The following TNNI3 variants were observed in gnomAD, a reference collection of about 807,000 sequenced individuals.
The protein encoded by TNNI3 is troponin I, cardiac muscle.
TNNI3 carries 23 observed loss-of-function variants against 31.5 expected under a neutral mutation model. The observed-to-expected ratio is 0.73, with a 90% CI of 0.52 to 1.03. The LOEUF is 1.03. Ranked by LOEUF, TNNI3 falls within the 50% of genes least tolerant of loss-of-function variation. The probability of loss-of-function intolerance (pLI) is 0.00; values close to 1 mark genes in which losing one functional copy is unlikely to be tolerated. For missense variants in TNNI3, 236 were observed against 282.9 expected, an observed-to-expected ratio of 0.83 and a Z score of 1.19; for synonymous variants, 120 against 111.7, an observed-to-expected ratio of 1.07 and a Z score of -0.47.
intron 7 of TNNI3, among the ~76,000 whole-genome samples, 198 bp downstream of exon 7, chr19:55,153,832 T>G (rs542507618): frequency 8.2e-4 from 1 of 1,216 alleles, no homozygotes; most frequent in Non-Finnish European, 5.8e-3. Flanking sequence ...CTCTTTGCTC[T>G]TACATGGACT....
At position 55,152,163 on chromosome 19, in the gene TNNI3, CAT is replaced by C. The variant is rs2147281905; in HGVS notation, c.550-248_550-247del. Among the ~76,000 whole-genome samples the C allele has an allele frequency of 1.4e-5, 2 of 146,492 alleles. No homozygotes were observed. Among genetic ancestry groups the C allele is most frequent in the African/African-American group, 5.1e-5 (2 of 38,868 alleles). ...TTTCCCCAGCACTTCCTGTCTCCCT[CAT>C]GTACTTTCTGTCTTTCCCCATCCAC... On this transcript the variant is annotated intron_variant, in intron 7 of 7. Coordinates refer to ENST00000344887, the MANE Select transcript of TNNI3 (RefSeq NM_000363.5). The surrounding 1 kb of genome is among the most constrained non-coding windows in gnomAD (Gnocchi z 4.0).
At position 55,152,582 on chromosome 19, in the gene TNNI3, C is replaced by T. The variant is rs983741828; in HGVS notation, c.550-665G>A. ...GCTATAAGATATTTTGAGAAAGAGA[C>T]CACATTCATGAGTTTTATTACAATC... On this transcript the variant is annotated intron_variant, in intron 7 of 7. Transcript: ENST00000344887. This position sits in a 1 kb window ranked among gnomAD's most constrained non-coding sequence, Gnocchi z 4.0. Among the ~76,000 whole-genome samples, 38 of 152,140 alleles carry T rather than the reference C, an allele frequency of 2.5e-4. 1 individual carries two copies. The highest frequency in any genetic ancestry group is 2.9e-5 in the Non-Finnish European group (2 of 68,036).
chr19:55,154,401 A>C (rs2085714335), intron 6 of TNNI3, 195 bp from the exon 7 acceptor site: 3 of 653,292 alleles, frequency 4.6e-6, no homozygotes. Context: ...CTCCAGCCTC[A>C]CCTCTCAAAA....
In TNNI3 at chr19:55,157,322, A is replaced by C; in HGVS notation, c.12-14T>G. 6.2e-7 allele frequency: 1 copy of C among 1,611,086 alleles called. No individual in the cohort carries two copies. Among genetic ancestry groups the C allele is most frequent in the Non-Finnish European group, 8.5e-7 (1 of 1,179,650 alleles). ...GCATCGCTGCTCCTGGAAGGAGAGA[A>C]ACCAAGGAGGGGGGTTAGTGGTGGG... On this transcript the variant is annotated splice_polypyrimidine_tract_variant and intron_variant, in intron 1 of 7. Coordinates refer to ENST00000344887, the MANE Select transcript of TNNI3 (RefSeq NM_000363.5). The surrounding 1 kb of genome is among the most constrained non-coding windows in gnomAD (Gnocchi z 6.3).
intron 6 of TNNI3, 106 bp from the exon 7 acceptor site, chr19:55,154,312 G>C (rs766025507): frequency 8.0e-7 from 1 of 1,245,048 alleles, no homozygotes; most frequent in Non-Finnish European, 1.1e-6. Flanking sequence ...TTCCAGTACC[G>C]AGGCCTTACC....
chr19:55,156,220 A>T lies in TNNI3; in HGVS notation c.263T>A (p.Leu88Gln). The T allele has an allele frequency of 6.2e-7, 1 of 1,612,738 alleles. No individual in the cohort carries two copies. Among genetic ancestry groups the T allele is most frequent in the South Asian group, 1.1e-5 (1 of 91,082 alleles). The stretch of plus-strand genomic sequence containing the variant: ...CGGTACCTGCAGCTCCGCGAAGCCC[A>T]GCCCGGCCAACTCCAGCGGCTGGCA... ...TRCQPLELAG[L>Q]GFAELQDLCR... The change falls in exon 5 of 8, where the codon CTG becomes CAG. Residue 88 changes from leucine (L) to glutamine (Q), a missense_variant. By Grantham distance (113) the Leu-to-Gln change is moderately radical. This residue lies in a region of TNNI3 where 172 missense variants were observed against 171.8 expected (regional missense o/e 1.00). Coordinates refer to ENST00000344887, the MANE Select transcript of TNNI3 (RefSeq NM_000363.5). The surrounding 1 kb of genome is among the most constrained non-coding windows in gnomAD (Gnocchi z 4.6).
rs1242757922 is a variant in TNNI3, at chr19:55,156,567, A to C, written c.150+36T>G. 1.9e-6 allele frequency: 3 copies of C among 1,551,786 alleles called. No individual in the cohort carries two copies. Among genetic ancestry groups the C allele is most frequent in the Admixed American group, 2.0e-5 (1 of 51,234 alleles). On this transcript the variant is annotated intron_variant, in intron 4 of 7. Coordinates refer to ENST00000344887, the MANE Select transcript of TNNI3 (RefSeq NM_000363.5). This position sits in a 1 kb window ranked among gnomAD's most constrained non-coding sequence, Gnocchi z 4.6. The stretch of plus-strand genomic sequence containing the variant: ...CATTCTCAAGCTCCGCCCCCTGAGC[A>C]CCTGCCTGCTCTTTCCCAGTCCCGC...
In TNNI3 at chr19:55,157,075, G is replaced by A. The variant is rs1194177269; in HGVS notation, c.83C>T (p.Ala28Val). 6.2e-7 allele frequency: 1 copy of A among 1,600,548 alleles called. No individual in the cohort carries two copies. The highest frequency in any genetic ancestry group is 8.5e-7 in the Non-Finnish European group (1 of 1,175,798). ...PIRRRSSNYR[A>V]YATEPHAKKK... ...CTTGGCGTGCGGCTCCGTGGCATAA[G>A]CGCGGTAGTTGGAGGAGCGGCGTCT... Residue 28 changes from alanine to valine, a missense_variant, in exon 3 of 8, where the codon GCT becomes GTT. This residue lies in a region of TNNI3 where 172 missense variants were observed against 171.8 expected (regional missense o/e 1.00). Coordinates refer to ENST00000344887, the MANE Select transcript of TNNI3 (RefSeq NM_000363.5). The surrounding 1 kb of genome is among the most constrained non-coding windows in gnomAD (Gnocchi z 6.3).
chr19:55,157,233 C>T lies in TNNI3; in HGVS notation c.24+63G>A. ...GGGCTGCAGCCTCCCGCCCCAGACCCCTCACTGCAGCGCCCACCCTGGCCC... is the reference window on the plus strand; with the variant it reads ...GGGCTGCAGCCTCCCGCCCCAGACCTCTCACTGCAGCGCCCACCCTGGCCC... On this transcript the variant is annotated intron_variant, in intron 2 of 7. Coordinates refer to ENST00000344887, the MANE Select transcript of TNNI3 (RefSeq NM_000363.5). The surrounding 1 kb of genome is among the most constrained non-coding windows in gnomAD (Gnocchi z 6.3). 6.2e-7 allele frequency: 1 copy of T among 1,606,192 alleles called. No homozygotes were observed. The highest frequency in any genetic ancestry group is 1.1e-5 in the South Asian group (1 of 89,850).
At position 55,156,438 on chromosome 19, in the gene TNNI3, T is replaced by C. The variant is rs3729709; in HGVS notation, c.151-106A>G. 100,620 of 1,516,174 alleles carry C rather than the reference T, an allele frequency of 0.066. 3,729 individuals are homozygous for C. Among genetic ancestry groups the C allele is most frequent in the African/African-American group, 0.11 (7,765 of 72,526 alleles). The allele number at this position is 1,516,174 out of a possible 1,614,324, so 93.9% of individuals were successfully genotyped here. On this transcript the variant is annotated intron_variant, in intron 4 of 7. Transcript: ENST00000344887. The surrounding 1 kb of genome is among the most constrained non-coding windows in gnomAD (Gnocchi z 4.6). ...CTAAACCCTCCAGTTTGGTCTCCAC[T>C]GTTCCAAGGCCCCGTCCCACCCCGA...
chr19:55,155,725 T>A (rs1446720600), intron 5 of TNNI3, among the ~76,000 whole-genome samples: 26 of 75,902 alleles, frequency 3.4e-4, no homozygotes, highest in African/African-American at 1.4e-3. Context: ...GGGCCTGGAC[T>A]CCAGGGTCTG....
Position 55,156,965 on chromosome 19 carries a change from T to A in TNNI3, c.108+85A>T. The A allele has an allele frequency of 7.0e-7, 1 of 1,420,128 alleles. No homozygotes were observed. Among genetic ancestry groups the A allele is most frequent in the Non-Finnish European group, 9.6e-7 (1 of 1,041,046 alleles). 88.0% of individuals were successfully genotyped at this position (1,420,128 alleles called of 1,614,324 possible). A position where few individuals can be genotyped will look rare whatever the true frequency, so the allele number is the denominator to read the frequency against. On this transcript the variant is annotated intron_variant, in intron 3 of 7. Transcript: ENST00000344887. This position sits in a 1 kb window ranked among gnomAD's most constrained non-coding sequence, Gnocchi z 4.6. ...GCCCCTCCGCGTAGTCCCCGCCCCCTTCGCAGCCCTGGCTCCTCCCCCCAC... is the reference window on the plus strand; with the variant it reads ...GCCCCTCCGCGTAGTCCCCGCCCCCATCGCAGCCCTGGCTCCTCCCCCCAC...
At position 55,157,544 on chromosome 19, in the gene TNNI3, G is replaced by GC; in HGVS notation, c.11+34dup. 1 of 1,612,410 alleles carries GC rather than the reference G, an allele frequency of 6.2e-7. No homozygotes were observed. The highest frequency in any genetic ancestry group is 8.5e-7 in the Non-Finnish European group (1 of 1,178,998). ...ACCCCTCTTGGGAACCCGGGAGGTC[G>GC]CCCCCAACTCCCACTGCCTTGGGGC... On this transcript the variant is annotated intron_variant, in intron 1 of 7. Transcript: ENST00000344887. The surrounding 1 kb of genome is among the most constrained non-coding windows in gnomAD (Gnocchi z 6.3).
rs1057521530 is a variant in TNNI3 at position 55,154,086 on chromosome 19, C to A, written c.493G>T (p.Glu165Ter). The change falls in exon 7 of 8, where the codon GAG (glutamate) becomes TAG (stop). Residue 165 changes from glutamate to a stop codon, truncating the protein, a stop_gained. Coordinates refer to ENST00000344887, the MANE Select transcript of TNNI3 (RefSeq NM_000363.5). LOFTEE classifies it high-confidence loss of function. ...AGGTGGGCCCGCAGGTCCAGGGACT[C>A]CTTAGCCCGGGCCCCCAGCAGCGCC... ...MQALLGARAK[E>*]SLDLRAHLKQ... 6.2e-7 allele frequency: 1 copy of A among 1,612,980 alleles called. No homozygotes were observed. Among genetic ancestry groups the A allele is most frequent in the Non-Finnish European group, 8.5e-7 (1 of 1,180,008 alleles).
chr19:55,156,250 G>A lies in TNNI3; in HGVS notation c.233C>T (p.Thr78Ile), dbSNP rs786205288. 6.2e-6 allele frequency: 10 copies of A among 1,612,344 alleles called. No homozygotes were observed. The South Asian group carries it at 8.8e-5, about 14-fold the overall frequency. ...RRGEKGRALSTRCQPLELAGL... is the reference protein window; with the variant it reads ...RRGEKGRALSIRCQPLELAGL... ...GGCCAACTCCAGCGGCTGGCAGCGGGTGCTCAGAGCGCGCCCCTTCTCTCC... is the reference window on the plus strand; with the variant it reads ...GGCCAACTCCAGCGGCTGGCAGCGGATGCTCAGAGCGCGCCCCTTCTCTCC... Residue 78 changes from threonine to isoleucine, a missense_variant, in exon 5 of 8, where the codon ACC (threonine) becomes ATC (isoleucine). Physicochemically the swap from Thr to Ile is moderately conservative, Grantham distance 89. This residue lies in a region of TNNI3 where 172 missense variants were observed against 171.8 expected (regional missense o/e 1.00). Transcript: ENST00000344887. The surrounding 1 kb of genome is among the most constrained non-coding windows in gnomAD (Gnocchi z 4.6).
At chr19:55,154,316 C>A in intron 6 of TNNI3, 110 bp from the exon 7 acceptor site, 1 of 1,181,716 alleles carries the variant, frequency 8.5e-7, no homozygotes, top group Non-Finnish European at 1.2e-6. Flanking sequence ...AGTACCGAGG[C>A]CTTACCAGTC....
rs1273468966 is a variant in TNNI3 at position 55,156,818 on chromosome 19, G to T, written c.109-174C>A. On this transcript the variant is annotated intron_variant, in intron 3 of 7. Coordinates refer to ENST00000344887, the MANE Select transcript of TNNI3 (RefSeq NM_000363.5). This position sits in a 1 kb window ranked among gnomAD's most constrained non-coding sequence, Gnocchi z 4.6. ...CCCTCATTCCCATCCACCAATCTGG[G>T]TCTCTTCCTTTGGATAGGCACTTCC... 3 of 869,878 alleles carry T rather than the reference G, an allele frequency of 3.4e-6. No individual in the cohort carries two copies. Among genetic ancestry groups the T allele is most frequent in the Non-Finnish European group, 5.6e-6 (3 of 540,020 alleles). 53.9% of individuals were successfully genotyped at this position (869,878 alleles called of 1,614,324 possible).
In TNNI3 at chr19:55,154,849, G is replaced by T; in HGVS notation, c.283-19C>A. On this transcript the variant is annotated intron_variant, in intron 5 of 7. Coordinates refer to ENST00000344887, the MANE Select transcript of TNNI3 (RefSeq NM_000363.5). ...ACAAGTCCTGGAGGAGGAACGTGGTGTGTGTTGTTGGGGGAACCAAAAACA... is the reference window on the plus strand; with the variant it reads ...ACAAGTCCTGGAGGAGGAACGTGGTTTGTGTTGTTGGGGGAACCAAAAACA... 1 of 1,613,054 alleles carries T rather than the reference G, an allele frequency of 6.2e-7. No individual in the cohort carries two copies. The highest frequency in any genetic ancestry group is 8.5e-7 in the Non-Finnish European group (1 of 1,179,080).
intron 6 of TNNI3, 155 bp downstream of exon 6, chr19:55,154,586 T>A: frequency 1.4e-6 from 1 of 734,948 alleles, no homozygotes; most frequent in Non-Finnish European, 2.5e-6. Context: ...TTGACTATAT[T>A]GTACTCATCC....
Sources: gnomAD v4.1 joint callset for allele counts (sites outside exome capture counted in the v4.1 genomes callset) on GRCh38, gnomAD v4.1.1 for gene constraint, gnomAD v4.1.1 regional missense constraint, Gnocchi (gnomAD v3.1) non-coding constraint, MANE v1.5 for transcripts, NCBI Gene and HGNC (gene_info 2026-07-23, HGNC 2026-07-21) for gene names.